The following PPP4R3B variants were observed in gnomAD, a reference collection of about 807,000 sequenced individuals.
PPP4R3B encodes the protein serine/threonine-protein phosphatase 4 regulatory subunit 3B.
In PPP4R3B, 52 loss-of-function variants were observed where a neutral mutation model predicts 95.4. The observed-to-expected ratio is 0.54, with a 90% CI of 0.44 to 0.69. The LOEUF (loss-of-function observed/expected upper bound fraction) is 0.69. Among genes scored for constraint, PPP4R3B ranks in the 30% least tolerant of loss-of-function variants. PPP4R3B has a pLI of 0.00. For missense variants in PPP4R3B, 1,003 were observed against 1,005.9 expected, an observed-to-expected ratio of 1.00 and a Z score of 0.04; for synonymous variants, 407 against 343.9, an observed-to-expected ratio of 1.18 and a Z score of -2.03.
chr2:55,606,817 T>A (rs1490732295), intron 2 of PPP4R3B, among the ~76,000 whole-genome samples: 12 of 119,100 alleles, frequency 1.0e-4, no homozygotes, highest in African/African-American at 4.3e-4. Flanking sequence ...AGTGAGACTT[T>A]GCCTCAAAAA....
chr2:55,596,734 G>A (rs1388860137), intron 4 of PPP4R3B, among the ~76,000 whole-genome samples: 3 of 151,990 alleles, frequency 2.0e-5, no homozygotes, highest in Non-Finnish European at 4.4e-5. Flanking sequence ...AGGCCAAGGC[G>A]GGCGGATCAC....
At chr2:55,579,842 T>C in intron 8 of PPP4R3B, 61 bp from the exon 9 acceptor site, 3 of 1,063,200 alleles carry the variant, frequency 2.8e-6, no homozygotes, top group Non-Finnish European at 4.2e-6. Context: ...ATCTTCAAGA[T>C]TAGCAGTACA....
At chr2:55,616,455 C>T (rs563421331) in intron 1 of PPP4R3B, 2 of 152,350 alleles carry the variant, frequency 1.3e-5, no homozygotes, top group East Asian at 1.9e-4. Flanking sequence ...TACGGCTCTA[C>T]ATTTTGTAAT....
At chr2:55,574,152 C>T (rs1688354985) in intron 11 of PPP4R3B, among the ~76,000 whole-genome samples, 1 of 151,796 alleles carries the variant, frequency 6.6e-6, no homozygotes, top group Non-Finnish European at 1.5e-5. Context: ...CTGAGCCTCC[C>T]AAAGTGCTGG....
At chr2:55,610,732 G>A (rs1694047463) in intron 2 of PPP4R3B, among the ~76,000 whole-genome samples, 3 of 152,214 alleles carry the variant, frequency 2.0e-5, no homozygotes, top group South Asian at 2.1e-4. Context: ...GTAAAACACT[G>A]TTATAAGCTA....
intron 2 of PPP4R3B, 75 bp from the exon 3 acceptor site, chr2:55,604,151 G>T: frequency 1.7e-6 from 2 of 1,152,738 alleles, no homozygotes; most frequent in African/African-American, 1.6e-5. Flanking sequence ...GAAATCAAGA[G>T]GACTGGAAAC....
In PPP4R3B at chr2:55,568,370, A is replaced by T; in HGVS notation, c.1766-7T>A. The T allele has an allele frequency of 6.3e-7, 1 of 1,588,072 alleles. No homozygotes were observed. Among genetic ancestry groups the T allele is most frequent in the Non-Finnish European group, 8.6e-7 (1 of 1,169,550 alleles). On this transcript the variant is annotated splice_polypyrimidine_tract_variant and splice_region_variant and intron_variant, in intron 12 of 16. Transcript: ENST00000616407. Reference sequence around the variant, plus strand: ...CTCATAAAGCGAAGGGCACCTAATTAAAAATAATATAGGGAATAAGTTAAT... The same window carrying T: ...CTCATAAAGCGAAGGGCACCTAATTTAAAATAATATAGGGAATAAGTTAAT...
intron 11 of PPP4R3B, among the ~76,000 whole-genome samples, chr2:55,576,679 G>A (rs1017260274): frequency 3.9e-5 from 6 of 152,150 alleles, no homozygotes; most frequent in African/African-American, 1.4e-4. Context: ...TCCAGCCTGG[G>A]CGACAGAGTG....
chr2:55,583,983 A>G (rs557987042), intron 7 of PPP4R3B, among the ~76,000 whole-genome samples: 13 of 152,248 alleles, frequency 8.5e-5, no homozygotes, highest in African/African-American at 3.1e-4. Context: ...AGATGGGTGG[A>G]TCACCTGAGG....
chr2:55,611,140 G>A (rs1266162430), intron 2 of PPP4R3B, among the ~76,000 whole-genome samples: 2 of 152,126 alleles, frequency 1.3e-5, no homozygotes, highest in African/African-American at 2.4e-5. Flanking sequence ...GAGATTACAA[G>A]TGTGAGCCAC....
At chr2:55,585,015 AG>A in intron 7 of PPP4R3B, 35 bp downstream of exon 7, 2 of 1,427,622 alleles carry the variant, frequency 1.4e-6, no homozygotes, top group South Asian at 2.4e-5. Context: ...CTCACTCTAC[AG>A]GTAATTCACA....
At chr2:55,577,429 T>G in intron 10 of PPP4R3B, 73 bp from the exon 11 acceptor site, 1 of 1,279,390 alleles carries the variant, frequency 7.8e-7, no homozygotes, top group Non-Finnish European at 1.0e-6. Context: ...TACTTTATAA[T>G]ATACAATGCA....
intron 11 of PPP4R3B, 105 bp from the exon 12 acceptor site, chr2:55,573,882 C>T (rs1164987910): frequency 1.7e-6 from 1 of 571,820 alleles, no homozygotes; most frequent in Non-Finnish European, 2.6e-6. Flanking sequence ...AACTGTATTT[C>T]CTCCTTTTTT....
intron 13 of PPP4R3B, among the ~76,000 whole-genome samples, chr2:55,565,291 T>C (rs953150088): frequency 6.9e-6 from 1 of 144,868 alleles, no homozygotes; most frequent in Non-Finnish European, 1.5e-5. Context: ...ATAGATTTAT[T>C]TTACATCTTC....
At chr2:55,590,624 G>C (rs965619735) in intron 4 of PPP4R3B, among the ~76,000 whole-genome samples, 3 of 152,132 alleles carry the variant, frequency 2.0e-5, no homozygotes, top group African/African-American at 7.2e-5. Context: ...GAAATTGTTG[G>C]TGGTTTTAAG....
chr2:55,569,773 C>T (rs989648928), intron 12 of PPP4R3B, among the ~76,000 whole-genome samples: 3 of 152,110 alleles, frequency 2.0e-5, no homozygotes, highest in African/African-American at 4.8e-5. Flanking sequence ...TGGTAGTGGT[C>T]CCCCGGGCCC....
chr2:55,611,310 C>T (rs1341666532), intron 2 of PPP4R3B, among the ~76,000 whole-genome samples: 2 of 152,196 alleles, frequency 1.3e-5, no homozygotes, highest in East Asian at 1.9e-4. Flanking sequence ...CACAAGCACA[C>T]GCCACCACAC....
intron 12 of PPP4R3B, among the ~76,000 whole-genome samples, chr2:55,573,082 C>T (rs1275125746): frequency 6.6e-6 from 1 of 151,892 alleles, no homozygotes; most frequent in South Asian, 2.1e-4. Flanking sequence ...TATTTTAAGT[C>T]CATAAAAATA....
At position 55,564,922 on chromosome 2, in the gene PPP4R3B, T is replaced by C. The variant is rs544693992; in HGVS notation, c.2055A>G (p.Arg685=). 8.4e-5 allele frequency: 135 copies of C among 1,610,628 alleles called. No homozygotes were observed. The South Asian group carries it at 1.4e-3, about 16-fold the overall frequency. ...AATACCTGTTCAGTTTCTGATTTTGTCTGTCTTTTTCTTGCTCATATTTAG... is the reference window on the plus strand; with the variant it reads ...AATACCTGTTCAGTTTCTGATTTTGCCTGTCTTTTTCTTGCTCATATTTAG... ...LKTKYEQEKD[R]QNQKLNSVPS... is the part of the protein sequence containing the mutation. Residue 685 remains arginine, a synonymous_variant, in exon 14 of 17, where the codon AGA becomes AGG. Transcript: ENST00000616407.
Sources: gnomAD v4.1 joint callset for allele counts (sites outside exome capture counted in the v4.1 genomes callset) on GRCh38, gnomAD v4.1.1 for gene constraint, MANE v1.5 for transcripts, NCBI Gene and HGNC (gene_info 2026-07-23, HGNC 2026-07-21) for gene names.